HK2: variants seen among roughly 807,000 people sequenced by gnomAD.
HK2 encodes hexokinase-2.
In HK2, 42 loss-of-function variants were observed where a neutral mutation model predicts 92.9. The ratio of observed to expected loss-of-function variants is 0.45; its 90% CI spans 0.35 to 0.58. The LOEUF is 0.58. Among genes scored for constraint, HK2 ranks in the 20% least tolerant of loss-of-function variants. HK2 has a pLI of 0.00. For synonymous variants in HK2, 422 were observed against 468.0 expected (o/e 0.90, Z 1.27); for missense variants, 978 against 1,245.1 (o/e 0.79, Z 3.23).
chr2:74,882,473 T>A lies in HK2; in HGVS notation c.1839+234T>A, dbSNP rs375781615. ...ACAACGATGATGATGCTACTCAATG[T>A]TAACAACTGCCGGGTGTGGTGACTC... On this transcript the variant is annotated intron_variant, in intron 12 of 17. Coordinates refer to ENST00000290573, the MANE Select transcript of HK2 (RefSeq NM_000189.5). Among the ~76,000 whole-genome samples, 202 of 151,446 alleles carry A rather than the reference T, an allele frequency of 1.3e-3. 3 individuals are homozygous for A. The highest frequency in any genetic ancestry group is 4.8e-3 in the African/African-American group (200 of 41,260).
At chr2:74,882,617 A>ATATATATATATATATATATATATATATG (rs1689430501) in intron 12 of HK2, among the ~76,000 whole-genome samples, 1 of 137,744 alleles carries the variant, frequency 7.3e-6, no homozygotes, top group Non-Finnish European at 1.6e-5. Context: ...ATATATATAT[A>ATATATATATATATATATATATATATATG]TATAGCATTT....
chr2:74,842,856 C>T (rs927443819), intron 1 of HK2, among the ~76,000 whole-genome samples: 10 of 152,200 alleles, frequency 6.6e-5, no homozygotes, highest in Admixed American at 2.6e-4. Context: ...CTTGCGATGT[C>T]GCAGGAGACA....
chr2:74,880,715 A>G (rs915955285), intron 10 of HK2, 146 bp downstream of exon 10: 5 of 821,824 alleles, frequency 6.1e-6, no homozygotes, highest in Non-Finnish European at 9.9e-6. Context: ...CTAGTCTTTG[A>G]TAAACTCAAA....
intron 1 of HK2, among the ~76,000 whole-genome samples, chr2:74,845,404 G>T (rs956069359): frequency 6.6e-6 from 1 of 152,248 alleles, no homozygotes; most frequent in Non-Finnish European, 1.5e-5. Context: ...CTGCTGCTCC[G>T]CAGTCAGAAC....
intron 8 of HK2, among the ~76,000 whole-genome samples, chr2:74,878,234 C>T (rs547908876): frequency 1.3e-5 from 2 of 152,228 alleles, no homozygotes; most frequent in Non-Finnish European, 1.5e-5. Context: ...TGGGCATCAC[C>T]GCAGGGTTCA....
In HK2 at chr2:74,890,746, C is replaced by G. The variant is rs750492322; in HGVS notation, c.2610-51C>G. ...TTTCATTTCTAAGTGCAAATACAAA[C>G]CAATCATGACTAAGATGGTTTTTCC... is the stretch of plus-strand genomic sequence containing the variant. On this transcript the variant is annotated intron_variant, in intron 17 of 17. Coordinates refer to ENST00000290573, the MANE Select transcript of HK2 (RefSeq NM_000189.5). The G allele has an allele frequency of 3.7e-6, 6 of 1,608,608 alleles. No individual in the cohort carries two copies. In the East Asian group the frequency reaches 1.3e-4, roughly 36 times the overall value.
intron 1 of HK2, among the ~76,000 whole-genome samples, chr2:74,844,799 C>T (rs1181557010): frequency 6.6e-6 from 1 of 152,224 alleles, no homozygotes; most frequent in Non-Finnish European, 1.5e-5. Flanking sequence ...GTGTGGGCGC[C>T]AGCCTGAAGA....
chr2:74,853,131 G>C (rs2103879816), intron 1 of HK2, among the ~76,000 whole-genome samples: 1 of 152,298 alleles, frequency 6.6e-6, no homozygotes, highest in Non-Finnish European at 1.5e-5. Context: ...GCCTGTGTGT[G>C]TGAGCTCCAA....
At chr2:74,885,721 C>G (rs914933654) in intron 13 of HK2, 132 bp downstream of exon 13, 3 of 723,692 alleles carry the variant, frequency 4.1e-6, no homozygotes, top group Non-Finnish European at 7.5e-6. Flanking sequence ...AAGCGTCGTT[C>G]AGCAGTTTAG....
At chr2:74,858,184 T>A (rs1688736763) in intron 2 of HK2, among the ~76,000 whole-genome samples, 1 of 152,252 alleles carries the variant, frequency 6.6e-6, no homozygotes, top group Non-Finnish European at 1.5e-5. Context: ...AATTTATTCT[T>A]AAACATGATG....
At chr2:74,835,542 A>G (rs1018138808) in intron 1 of HK2, among the ~76,000 whole-genome samples, 1 of 148,890 alleles carries the variant, frequency 6.7e-6, no homozygotes, top group African/African-American at 2.5e-5. Flanking sequence ...CGGCCGGGTC[A>G]TTTACATAAG....
intron 8 of HK2, among the ~76,000 whole-genome samples, chr2:74,877,814 A>G (rs1461640523): frequency 5.3e-5 from 8 of 152,222 alleles, no homozygotes; most frequent in Non-Finnish European, 7.3e-5. Context: ...TTCACAGCCC[A>G]GCAGGGGCAA....
At position 74,873,380 on chromosome 2, in the gene HK2, G is replaced by A. The variant is rs183408196; in HGVS notation, c.591+9G>A. 304 of 1,604,166 alleles carry A rather than the reference G, an allele frequency of 1.9e-4. 3 individuals are homozygous for A. The African/African-American group carries it at 3.7e-3, about 20-fold the overall frequency. ...CCATCCAGAGGAGAGGGGTGAGTGG[G>A]GTGGCAGGAGCTTGGGGTCTGTGGG... On this transcript the variant is annotated intron_variant, in intron 5 of 17. Coordinates refer to ENST00000290573, the MANE Select transcript of HK2 (RefSeq NM_000189.5).
Position 74,885,587 on chromosome 2 carries a change from G to A in HK2, c.1933G>A (p.Glu645Lys). The A allele has an allele frequency of 6.2e-7, 1 of 1,607,048 alleles. No homozygotes were observed. The highest frequency in any genetic ancestry group is 1.1e-5 in the South Asian group (1 of 90,960). Residue 645 changes from glutamate to lysine, a missense_variant and splice_region_variant, in exon 13 of 18, where the codon GAG becomes AAG. Coordinates refer to ENST00000290573, the MANE Select transcript of HK2 (RefSeq NM_000189.5). Reference protein sequence around the residue: ...TLLKEAIHRREEFDLDVVAVV... With the variant: ...TLLKEAIHRRKEFDLDVVAVV... Reference sequence around the variant, plus strand: ...GCTGAAGGAAGCGATCCACCGGCGAGAGGTAGGAGACACATGGCACGAGGT... The same window carrying A: ...GCTGAAGGAAGCGATCCACCGGCGAAAGGTAGGAGACACATGGCACGAGGT...
chr2:74,861,375 A>G (rs1192566143), intron 2 of HK2, among the ~76,000 whole-genome samples: 1 of 151,832 alleles, frequency 6.6e-6, no homozygotes, highest in Non-Finnish European at 1.5e-5. Context: ...AGCTGAGATC[A>G]TGCTGCTGCA....
At position 74,854,302 on chromosome 2, in the gene HK2, T is replaced by C. The variant is rs376757872; in HGVS notation, c.73T>C (p.Tyr25His). 6.2e-7 allele frequency: 1 copy of C among 1,612,614 alleles called. No homozygotes were observed. ...CTTCCTCCTTTTTCAGGTTGACCAG[T>C]ATCTCTACCACATGCGCCTCTCTGA... Reference protein sequence around the residue: ...NHDQVQKVDQYLYHMRLSDET... With the variant: ...NHDQVQKVDQHLYHMRLSDET... The change falls in exon 2 of 18, where the codon TAT becomes CAT. Residue 25 changes from tyrosine (Y) to histidine (H), a missense_variant. Transcript: ENST00000290573.
In HK2 at chr2:74,873,958, T is replaced by C. The variant is rs1689162328; in HGVS notation, c.691+15T>C. 1 of 1,586,066 alleles carries C rather than the reference T, an allele frequency of 6.3e-7. No individual in the cohort carries two copies. The highest frequency in any genetic ancestry group is 1.3e-5 in the African/African-American group (1 of 74,244). On this transcript the variant is annotated intron_variant, in intron 6 of 17. Transcript: ENST00000290573. ...TCTCATTGTGGGTGAGTGAACACCG[T>C]GCATGAAGGGCCCGTGCTGGCCAAG...
chr2:74,838,446 T>C (rs947251118), intron 1 of HK2, among the ~76,000 whole-genome samples: 6 of 150,844 alleles, frequency 4.0e-5, no homozygotes, highest in Non-Finnish European at 7.4e-5. Flanking sequence ...AGGCCGGTCC[T>C]GAGGAGGGAG....
rs748833020 is a variant in HK2, at chr2:74,873,921, C to T, written c.669C>T (p.Asn223=). The part of the protein sequence containing the change: ...TMMTCGYDDH[N]CEIGLIVGTG... ...TGACCTGTGGTTATGATGACCACAA[C>T]TGTGAGATTGGTCTCATTGTGGGTG... The change falls in exon 6 of 18, where the codon AAC becomes AAT. Residue 223 remains asparagine, a synonymous_variant. Coordinates refer to ENST00000290573, the MANE Select transcript of HK2 (RefSeq NM_000189.5). 8 of 1,613,052 alleles carry T rather than the reference C, an allele frequency of 5.0e-6. No homozygotes were observed. The highest frequency in any genetic ancestry group is 2.2e-5 in the East Asian group (1 of 44,892).
Sources: allele counts gnomAD v4.1 joint callset (sites outside exome capture counted in the v4.1 genomes callset), GRCh38; gene constraint gnomAD v4.1.1; transcripts MANE v1.5; gene names NCBI Gene and HGNC (gene_info 2026-07-23, HGNC 2026-07-21).